Variants in GALNT17 observed in about 807,000 individuals in gnomAD.
GALNT17 encodes the protein polypeptide N-acetylgalactosaminyltransferase 17.
Under a neutral mutation model 63.7 loss-of-function variants are expected in GALNT17, and 29 were observed. The ratio of observed to expected loss-of-function variants is 0.46; its 90% CI spans 0.34 to 0.62. The LOEUF is 0.62. Among genes scored for constraint, GALNT17 ranks in the 20% least tolerant of loss-of-function variants. The pLI, the probability that GALNT17 is intolerant of heterozygous loss-of-function variation, is 0.01. For synonymous variants in GALNT17, 305 were observed against 318.3 expected (o/e 0.96, Z 0.45); for missense variants, 603 against 799.6 (o/e 0.75, Z 2.97).
At chr7:71,562,850 A>T (rs1011438303) in intron 5 of GALNT17, among the ~76,000 whole-genome samples, 3 of 152,194 alleles carry the variant, frequency 2.0e-5, no homozygotes, top group Non-Finnish European at 4.4e-5. Flanking sequence ...AGAGGCAGAG[A>T]TGCCAAGGAA....
chr7:71,457,500 T>C (rs932827810), intron 5 of GALNT17, among the ~76,000 whole-genome samples: 1 of 152,226 alleles, frequency 6.6e-6, no homozygotes, highest in Non-Finnish European at 1.5e-5. Flanking sequence ...AATAAAAGAA[T>C]GGCTACTCCA....
intron 6 of GALNT17, among the ~76,000 whole-genome samples, chr7:71,651,364 G>A (rs907721493): frequency 1.3e-5 from 2 of 150,758 alleles, no homozygotes; most frequent in African/African-American, 2.4e-5. Flanking sequence ...GTACAGTGGT[G>A]CGATCTCGGC....
chr7:71,399,401 A>T (rs941470177), intron 3 of GALNT17, among the ~76,000 whole-genome samples: 2 of 152,092 alleles, frequency 1.3e-5, no homozygotes, highest in Non-Finnish European at 2.9e-5. Flanking sequence ...TCTGGTATAT[A>T]TCGAGTTGAT....
At chr7:71,244,936 C>T (rs1056326613) in intron 1 of GALNT17, among the ~76,000 whole-genome samples, 3 of 151,376 alleles carry the variant, frequency 2.0e-5, no homozygotes, top group South Asian at 2.1e-4. Context: ...GGATACAGAG[C>T]GAGACCCTAT....
rs749874820 is a variant in GALNT17 at position 71,350,586 on chromosome 7, A to G, written c.422+14853A>G. 3.3e-5 allele frequency among the ~76,000 whole-genome samples: 5 copies of G among 152,242 alleles called. No individual in the cohort carries two copies. In the South Asian group the frequency reaches 6.2e-4, roughly 19 times the overall value. On this transcript the variant is annotated intron_variant, in intron 2 of 10. Coordinates refer to ENST00000333538, the MANE Select transcript of GALNT17 (RefSeq NM_022479.3). ...ACAGTATAATGACTATTTGCATAGCATTTGCATTGTATTACATATTATAAG... is the reference window on the plus strand; with the variant it reads ...ACAGTATAATGACTATTTGCATAGCGTTTGCATTGTATTACATATTATAAG...
chr7:71,545,245 G>T (rs1788962965), intron 5 of GALNT17, among the ~76,000 whole-genome samples: 1 of 151,976 alleles, frequency 6.6e-6, no homozygotes. Flanking sequence ...GTTTCACTTG[G>T]CTATTTTTCA....
intron 5 of GALNT17, among the ~76,000 whole-genome samples, chr7:71,545,323 C>G (rs1242221461): frequency 4.0e-5 from 6 of 151,888 alleles, no homozygotes; most frequent in African/African-American, 1.5e-4. Context: ...TAGGTTTTTA[C>G]TCGTTTTGTT....
chr7:71,466,466 G>A (rs1337187206), intron 5 of GALNT17, among the ~76,000 whole-genome samples: 1 of 152,166 alleles, frequency 6.6e-6, no homozygotes, highest in Non-Finnish European at 1.5e-5. Flanking sequence ...AGAAATCAAA[G>A]TGTTTTACCC....
Position 71,665,589 on chromosome 7 carries a change from C to A in GALNT17, c.1259C>A (p.Pro420Gln), listed in dbSNP as rs780748741. 2.5e-6 allele frequency: 4 copies of A among 1,612,378 alleles called. No homozygotes were observed. In the Admixed American group the frequency reaches 6.7e-5, roughly 27 times the overall value. The stretch of plus-strand genomic sequence containing the variant: ...CATGTGTACATAGCGTGGAACCTGC[C>A]GCTGGAGGTAGGGATCACCAGCCTT... Reference protein sequence around the residue: ...KSHVYIAWNLPLENPGIDIGD... With the variant: ...KSHVYIAWNLQLENPGIDIGD... Residue 420 changes from proline (P) to glutamine (Q), a missense_variant, in exon 7 of 11, where the codon CCG becomes CAG. Around this residue, in one of 3 missense-constraint regions of GALNT17, gnomAD observed 336 missense variants for 507.8 expected, o/e 0.66. Transcript: ENST00000333538.
At chr7:71,403,802 G>C (rs1015380128) in intron 3 of GALNT17, among the ~76,000 whole-genome samples, 2 of 152,064 alleles carry the variant, frequency 1.3e-5, no homozygotes, top group Admixed American at 1.3e-4. Flanking sequence ...GTGTAACCCT[G>C]TTCTCCCCAG....
intron 6 of GALNT17, among the ~76,000 whole-genome samples, chr7:71,648,650 C>T (rs1398967412): frequency 1.1e-4 from 16 of 151,828 alleles, no homozygotes; most frequent in South Asian, 2.1e-4. Flanking sequence ...TTGCCCAGGC[C>T]GGTCTTGAAC....
In GALNT17 at chr7:71,232,435, G is replaced by A. The variant is rs1347924749; in HGVS notation, c.238+99395G>A. 2.6e-5 allele frequency among the ~76,000 whole-genome samples: 4 copies of A among 152,198 alleles called. No homozygotes were observed. The East Asian group carries it at 7.8e-4, about 29-fold the overall frequency. ...CAGGGTTACTTGTATTTTAGCCAAA[G>A]CAGTGGGGAGTAGGGGGGAGTCACA... On this transcript the variant is annotated intron_variant, in intron 1 of 10. Transcript: ENST00000333538.
intron 1 of GALNT17, among the ~76,000 whole-genome samples, chr7:71,145,209 A>G (rs1055551266): frequency 7.2e-5 from 11 of 152,216 alleles, no homozygotes; most frequent in Non-Finnish European, 1.6e-4. Flanking sequence ...AGGACCTGAA[A>G]GAGTGTCTCA....
intron 2 of GALNT17, among the ~76,000 whole-genome samples, chr7:71,343,746 A>G (rs962432206): frequency 2.6e-5 from 4 of 152,140 alleles, no homozygotes; most frequent in African/African-American, 9.7e-5. Context: ...TCAAGTTTGC[A>G]TCTTTTGTTC....
At chr7:71,515,001 C>T (rs1302668597) in intron 5 of GALNT17, among the ~76,000 whole-genome samples, 2 of 152,170 alleles carry the variant, frequency 1.3e-5, no homozygotes, top group Admixed American at 6.5e-5. Context: ...TTTCCCTTTT[C>T]GCTTGGCTTT....
At chr7:71,541,771 C>A (rs181015206) in intron 5 of GALNT17, among the ~76,000 whole-genome samples, 2 of 152,094 alleles carry the variant, frequency 1.3e-5, no homozygotes, top group African/African-American at 4.8e-5. Flanking sequence ...TTCCAGAGAA[C>A]CCGATGCAAT....
intron 1 of GALNT17, among the ~76,000 whole-genome samples, chr7:71,285,527 T>C (rs193228494): frequency 6.6e-6 from 1 of 152,224 alleles, no homozygotes; most frequent in South Asian, 2.1e-4. Flanking sequence ...TGGATGTTAG[T>C]GTGTTCCCAA....
intron 1 of GALNT17, among the ~76,000 whole-genome samples, chr7:71,317,665 T>G (rs1791525261): frequency 6.6e-6 from 1 of 152,152 alleles, no homozygotes; most frequent in Non-Finnish European, 1.5e-5. Context: ...GGAGTGGCCT[T>G]GGATGATCCT....
At chr7:71,133,309 C>G (rs934075650) in intron 1 of GALNT17, among the ~76,000 whole-genome samples, 2 of 152,176 alleles carry the variant, frequency 1.3e-5, no homozygotes, top group Non-Finnish European at 2.9e-5. Flanking sequence ...TCCCCGCGTG[C>G]GGACTGGAAA....
Sources: gnomAD v4.1 joint callset for allele counts (sites outside exome capture counted in the v4.1 genomes callset) on GRCh38, gnomAD v4.1.1 for gene constraint, gnomAD v4.1.1 regional missense constraint, MANE v1.5 for transcripts, NCBI Gene and HGNC (gene_info 2026-07-23, HGNC 2026-07-21) for gene names.